Variants in ENTREP2 observed in about 807,000 individuals in gnomAD.
ENTREP2 encodes endosomal transmembrane epsin interactor 2.
the ENTREP2 span, among the ~76,000 whole-genome samples, chr15:29,564,227 A>G: frequency 6.6e-6 from 1 of 152,232 alleles, no homozygotes; most frequent in Non-Finnish European, 1.5e-5. Context: ...CATCAAGTCC[A>G]GAACCTTTGT....
At chr15:29,234,293 G>C in the ENTREP2 span, 1 of 1,611,734 alleles carries the variant, frequency 6.2e-7, no homozygotes, top group Non-Finnish European at 8.5e-7. Context: ...ATCATCTTTC[G>C]GGTCAAAAAG....
At chr15:29,286,089 C>A in the ENTREP2 span, among the ~76,000 whole-genome samples, 1 of 152,096 alleles carries the variant, frequency 6.6e-6, no homozygotes, top group Admixed American at 6.5e-5. Context: ...CATTAAACAT[C>A]ATATGTAAAA....
At chr15:29,472,081 G>A in the ENTREP2 span, among the ~76,000 whole-genome samples, 1 of 152,124 alleles carries the variant, frequency 6.6e-6, no homozygotes, top group African/African-American at 2.4e-5. Flanking sequence ...CTGGGGAGAG[G>A]AGCACCCCAA....
At chr15:29,458,746 GC>G in the ENTREP2 span, among the ~76,000 whole-genome samples, 2 of 152,194 alleles carry the variant, frequency 1.3e-5, no homozygotes, top group African/African-American at 4.8e-5. Context: ...GATAACACAT[GC>G]TTGAACACAA....
the ENTREP2 span, among the ~76,000 whole-genome samples, chr15:29,367,497 G>A: frequency 6.6e-6 from 1 of 152,008 alleles, no homozygotes; most frequent in South Asian, 2.1e-4. Context: ...TAATAGTTGG[G>A]GCAAACAATA....
the ENTREP2 span, among the ~76,000 whole-genome samples, chr15:29,145,622 C>CAAAAAAAAAAAA: frequency 1.7e-5 from 1 of 58,248 alleles, no homozygotes; most frequent in Admixed American, 2.4e-4. Context: ...GACTCCATCT[C>CAAAAAAAAAAAA]AAAAAAAAAA....
At chr15:29,370,152 C>T in the ENTREP2 span, among the ~76,000 whole-genome samples, 28,073 of 152,114 alleles carry the variant, frequency 0.18, 2,865 homozygotes, top group East Asian at 0.38. Context: ...TCCTCATCAG[C>T]AATTACATTA....
chr15:29,524,442 T>C, the ENTREP2 span, among the ~76,000 whole-genome samples: 1 of 152,318 alleles, frequency 6.6e-6, no homozygotes, highest in Non-Finnish European at 1.5e-5. Context: ...TCTTTGTTCT[T>C]AGAGCTCCCA....
At chr15:29,644,437 G>C in the ENTREP2 span, among the ~76,000 whole-genome samples, 2 of 152,160 alleles carry the variant, frequency 1.3e-5, no homozygotes. Flanking sequence ...CAATAAAGCC[G>C]GTTATCGAAA....
the ENTREP2 span, among the ~76,000 whole-genome samples, chr15:29,552,307 T>C: frequency 6.6e-6 from 1 of 152,142 alleles, no homozygotes; most frequent in African/African-American, 2.4e-5. Flanking sequence ...ATTTAAGAGT[T>C]GCTAAATCAA....
chr15:29,483,400 C>T, the ENTREP2 span, among the ~76,000 whole-genome samples: 1 of 152,126 alleles, frequency 6.6e-6, no homozygotes, highest in Non-Finnish European at 1.5e-5. Context: ...CTAAAAAATC[C>T]ATCACCAAAC....
chr15:29,552,829 C>T, the ENTREP2 span, among the ~76,000 whole-genome samples: 5 of 152,062 alleles, frequency 3.3e-5, no homozygotes, highest in African/African-American at 9.7e-5. Context: ...TATAAACAAG[C>T]AAAACCATTG....
At chr15:29,151,064 G>C in the ENTREP2 span, among the ~76,000 whole-genome samples, 2 of 152,158 alleles carry the variant, frequency 1.3e-5, no homozygotes, top group Non-Finnish European at 2.9e-5. Context: ...GTAGCATTCT[G>C]ATCAGTAGGC....
chr15:29,577,347 TGTGA>T, the ENTREP2 span, among the ~76,000 whole-genome samples: 1,807 of 149,546 alleles, frequency 0.012, 24 homozygotes, highest in Non-Finnish European at 0.017. Context: ...TGTGTGTGTG[TGTGA>T]GAGAGAGAAA....
the ENTREP2 span, among the ~76,000 whole-genome samples, chr15:29,293,986 G>A: frequency 6.6e-6 from 1 of 152,148 alleles, no homozygotes; most frequent in African/African-American, 2.4e-5. Flanking sequence ...CTACAATTCT[G>A]ATGCTCCCTG....
At chr15:29,305,542 A>G in the ENTREP2 span, among the ~76,000 whole-genome samples, 6 of 152,186 alleles carry the variant, frequency 3.9e-5, no homozygotes, top group Non-Finnish European at 8.8e-5. Context: ...ACGAAGGCAG[A>G]GCTAACAGGT....
chr15:29,194,505 C>G, the ENTREP2 span, among the ~76,000 whole-genome samples: 3 of 152,170 alleles, frequency 2.0e-5, no homozygotes, highest in Non-Finnish European at 2.9e-5. Context: ...TACCAGTGTC[C>G]TGGGCAATCT....
At chr15:29,634,894 A>G in the ENTREP2 span, among the ~76,000 whole-genome samples, 1 of 152,270 alleles carries the variant, frequency 6.6e-6, no homozygotes, top group Non-Finnish European at 1.5e-5. Context: ...CGAAGCTTCT[A>G]CGCCCTCCCC....
At chr15:29,353,046 G>A in the ENTREP2 span, among the ~76,000 whole-genome samples, 1 of 152,136 alleles carries the variant, frequency 6.6e-6, no homozygotes, top group Middle Eastern at 3.2e-3. Context: ...ATTCACTATG[G>A]CACATGAATA....
Sources: gnomAD v4.1 joint callset for allele counts (sites outside exome capture counted in the v4.1 genomes callset) on GRCh38, gnomAD v4.1.1 for gene constraint, MANE v1.5 for transcripts, NCBI Gene and HGNC (gene_info 2026-07-23, HGNC 2026-07-21) for gene names.